Variants in PAX3 observed in about 807,000 individuals in gnomAD.
PAX3 encodes paired box 3.
A neutral mutation model predicts 51.6 loss-of-function variants in PAX3; 14 were observed. The ratio of observed to expected loss-of-function variants is 0.27; its 90% CI spans 0.18 to 0.42. The LOEUF is 0.42. Ranked by LOEUF, PAX3 falls within the 10% of genes least tolerant of loss-of-function variation. The pLI is 1.00. For missense variants in PAX3, 540 were observed against 642.8 expected (o/e 0.84, Z 1.73); for synonymous variants, 280 against 253.4 (o/e 1.11, Z -1.00).
intron 4 of PAX3, among the ~76,000 whole-genome samples, chr2:222,285,709 A>G (rs912385875): frequency 1.3e-5 from 2 of 152,232 alleles, no homozygotes; most frequent in East Asian, 1.9e-4. Context: ...AACCATTAAC[A>G]CAAGACCAAA....
chr2:222,256,176 C>T (rs1418365595), intron 4 of PAX3, among the ~76,000 whole-genome samples: 1 of 152,076 alleles, frequency 6.6e-6, no homozygotes, highest in Non-Finnish European at 1.5e-5. Context: ...TCCTTTCTTC[C>T]TCTGCTATTT....
intron 4 of PAX3, chr2:222,293,538 A>G (rs1167193095): frequency 7.7e-7 from 1 of 1,301,432 alleles, no homozygotes; most frequent in Non-Finnish European, 1.1e-6. Context: ...AGATCCCTTC[A>G]ATTTGTAACC....
At chr2:222,283,727 G>T (rs1328155478) in intron 4 of PAX3, among the ~76,000 whole-genome samples, 1 of 152,230 alleles carries the variant, frequency 6.6e-6, no homozygotes, top group African/African-American at 2.4e-5. Flanking sequence ...CTGGGGGCCC[G>T]GCTGGCCAAG....
intron 4 of PAX3, among the ~76,000 whole-genome samples, chr2:222,266,407 A>G (rs929855967): frequency 6.6e-6 from 1 of 152,220 alleles, no homozygotes; most frequent in African/African-American, 2.4e-5. Context: ...TATAAGGCAA[A>G]TACTATTATT....
intron 4 of PAX3, among the ~76,000 whole-genome samples, chr2:222,278,731 CA>C (rs1164670440): frequency 6.6e-6 from 1 of 152,200 alleles, no homozygotes; most frequent in Non-Finnish European, 1.5e-5. Context: ...CCTGTCCTTT[CA>C]CAGTGAAGAC....
In PAX3 at chr2:222,289,671, CA is replaced by C. The variant is rs1253203829; in HGVS notation, c.586+4495del. ...AATAAAGCTCTAGAAGGTAAGCACA[CA>C]GCAGTCAACCAAACCAAACAAGCGA... On this transcript the variant is annotated intron_variant, in intron 4 of 8. Coordinates refer to ENST00000392070, the MANE Select transcript of PAX3 (RefSeq NM_181458.4). 4.6e-5 allele frequency among the ~76,000 whole-genome samples: 7 copies of C among 152,280 alleles called. No homozygotes were observed. The South Asian group carries it at 1.5e-3, about 32-fold the overall frequency.
At chr2:222,248,797 T>C (rs1049292626) in intron 4 of PAX3, among the ~76,000 whole-genome samples, 2 of 152,156 alleles carry the variant, frequency 1.3e-5, no homozygotes, top group African/African-American at 4.8e-5. Context: ...AAATTAGAGG[T>C]CATTTTAAGA....
intron 4 of PAX3, among the ~76,000 whole-genome samples, chr2:222,272,255 A>T (rs912231884): frequency 6.6e-6 from 1 of 152,242 alleles, no homozygotes; most frequent in Non-Finnish European, 1.5e-5. Flanking sequence ...AAGTTGCATT[A>T]GCTTTAGTTC....
rs1369459848 is a variant in PAX3 at position 222,201,227 on chromosome 2, G to A, written c.*181C>T. On this transcript the variant is annotated 3_prime_UTR_variant, in exon 9 of 9. Coordinates refer to ENST00000392070, the MANE Select transcript of PAX3 (RefSeq NM_181458.4). Reference sequence around the variant, plus strand: ...CTGCTTTTGTCGAACGTGTTCAAAAGGATTTGAAACCAACTATTGGAGGAA... The same window carrying A: ...CTGCTTTTGTCGAACGTGTTCAAAAAGATTTGAAACCAACTATTGGAGGAA... 2 of 1,613,946 alleles carry A rather than the reference G, an allele frequency of 1.2e-6. No individual in the cohort carries two copies. The highest frequency in any genetic ancestry group is 4.5e-5 in the East Asian group (2 of 44,848).
At chr2:222,256,543 C>T (rs1298919108) in intron 4 of PAX3, among the ~76,000 whole-genome samples, 1 of 152,018 alleles carries the variant, frequency 6.6e-6, no homozygotes, top group Non-Finnish European at 1.5e-5. Context: ...TCCCTCGGCC[C>T]CAGAGACTCG....
rs898310421 is a variant in PAX3 at position 222,258,192 on chromosome 2, G to C, written c.587-25909C>G. ...TCCAGCTTTTTCAGAGGGAACTATA[G>C]TGGTGGAAAAAACAATATATTTGTC... is the stretch of plus-strand genomic sequence containing the variant. On this transcript the variant is annotated intron_variant, in intron 4 of 8. Transcript: ENST00000392070. Among the ~76,000 whole-genome samples the C allele has an allele frequency of 4.6e-5, 7 of 152,172 alleles. 1 individual carries two copies. The highest frequency in any genetic ancestry group is 1.7e-4 in the African/African-American group (7 of 41,438).
intron 4 of PAX3, among the ~76,000 whole-genome samples, chr2:222,288,519 A>G (rs926013371): frequency 2.0e-5 from 3 of 152,248 alleles, no homozygotes; most frequent in Non-Finnish European, 2.9e-5. Context: ...GTATTTAATT[A>G]TTCCCTACCT....
intron 4 of PAX3, among the ~76,000 whole-genome samples, chr2:222,288,346 T>C (rs1694908786): frequency 6.6e-6 from 1 of 152,214 alleles, no homozygotes; most frequent in Non-Finnish European, 1.5e-5. Flanking sequence ...CTTAGTGTAA[T>C]AAATAAACTC....
intron 4 of PAX3, among the ~76,000 whole-genome samples, chr2:222,292,093 G>T (rs1695063780): frequency 6.6e-6 from 1 of 151,630 alleles, no homozygotes; most frequent in African/African-American, 2.4e-5. Flanking sequence ...TTGAATAGCA[G>T]CCGGCCCAGC....
intron 4 of PAX3, among the ~76,000 whole-genome samples, chr2:222,278,882 C>A (rs371304873): frequency 1.3e-5 from 2 of 152,206 alleles, no homozygotes; most frequent in African/African-American, 4.8e-5. Flanking sequence ...TAGAAAAGAG[C>A]AAATACTTTC....
intron 4 of PAX3, among the ~76,000 whole-genome samples, chr2:222,233,649 C>T (rs1056001923): frequency 7.9e-5 from 12 of 152,022 alleles, no homozygotes; most frequent in African/African-American, 2.2e-4. Flanking sequence ...AGCCCTCTCC[C>T]GGGACCCCAG....
intron 4 of PAX3, among the ~76,000 whole-genome samples, chr2:222,271,296 G>A (rs1367466705): frequency 2.0e-5 from 3 of 152,168 alleles, no homozygotes; most frequent in Non-Finnish European, 2.9e-5. Context: ...ACCAAAATCC[G>A]TAAGTGGAAT....
chr2:222,250,396 T>C (rs17403188), intron 4 of PAX3, among the ~76,000 whole-genome samples: 14,670 of 152,114 alleles, frequency 0.096, 769 homozygotes, highest in South Asian at 0.12. Flanking sequence ...CCCTAAAAAA[T>C]GATACTGCTA....
At chr2:222,201,838 A>T in intron 8 of PAX3, 106 bp downstream of exon 8, 1 of 1,593,664 alleles carries the variant, frequency 6.3e-7, no homozygotes, top group Non-Finnish European at 8.5e-7. Flanking sequence ...AAAAATTGAT[A>T]CCGGCATGTG....
Sources: allele counts gnomAD v4.1 joint callset (sites outside exome capture counted in the v4.1 genomes callset), GRCh38; gene constraint gnomAD v4.1.1; transcripts MANE v1.5; gene names NCBI Gene and HGNC (gene_info 2026-07-23, HGNC 2026-07-21).